RNF19B: variants seen among roughly 807,000 people sequenced by gnomAD.
RNF19B encodes E3 ubiquitin-protein ligase RNF19B.
Under a neutral mutation model 65.5 loss-of-function variants are expected in RNF19B, and 23 were observed. The observed-to-expected ratio is 0.35, with a 90% confidence interval of 0.25 to 0.50. The LOEUF (loss-of-function observed/expected upper bound fraction) is 0.50. Among genes scored for constraint, RNF19B ranks in the 20% least tolerant of loss-of-function variants. RNF19B has a pLI of 0.98. For synonymous variants in RNF19B, 372 were observed against 379.6 expected (o/e 0.98, Z 0.23); for missense variants, 794 against 980.0 (o/e 0.81, Z 2.53).
chr1:32,962,129 CG>C (rs1381999443), intron 1 of RNF19B, among the ~76,000 whole-genome samples: 1 of 152,002 alleles, frequency 6.6e-6, no homozygotes, highest in African/African-American at 2.4e-5. Context: ...CCACCATGCC[CG>C]GCTAATTTTT....
At chr1:32,953,479 T>C (rs1316749252) in intron 1 of RNF19B, among the ~76,000 whole-genome samples, 6 of 152,132 alleles carry the variant, frequency 3.9e-5, no homozygotes, top group African/African-American at 1.4e-4. Flanking sequence ...ACTCAAGTTC[T>C]CAGGTTTATC....
intron 1 of RNF19B, among the ~76,000 whole-genome samples, chr1:32,955,049 G>A (rs1043458164): frequency 6.6e-6 from 1 of 151,960 alleles, no homozygotes; most frequent in African/African-American, 2.4e-5. Context: ...TGCCTACTTC[G>A]TGGGTGTGCA....
intron 1 of RNF19B, among the ~76,000 whole-genome samples, chr1:32,958,009 G>A (rs1419238435): frequency 6.6e-6 from 1 of 152,172 alleles, no homozygotes; most frequent in Non-Finnish European, 1.5e-5. Context: ...TGTACACAGA[G>A]TTGTAGAAAT....
At position 32,964,762 on chromosome 1, in the gene RNF19B, G is replaced by C. The variant is rs1217087920; in HGVS notation, c.-77C>G. On this transcript the variant is annotated 5_prime_UTR_variant, in exon 1 of 9. Transcript: ENST00000235150. This position sits in a 1 kb window ranked among gnomAD's most constrained non-coding sequence, Gnocchi z 6.5. ...CCTCAGCGCCCCTCAGCCAGCGCCC[G>C]GCCGCCGCCGACGCCGCCACCACCG... 13 of 1,259,188 alleles carry C rather than the reference G, an allele frequency of 1.0e-5. No homozygotes were observed. Among genetic ancestry groups the C allele is most frequent in the African/African-American group, 3.2e-5 (2 of 62,276 alleles). The allele number at this position is 1,259,188 out of a possible 1,614,324, so 78.0% of individuals were successfully genotyped here. A position where few individuals can be genotyped will look rare whatever the true frequency, so the allele number is the denominator to read the frequency against.
rs375150376 is a variant in RNF19B, at chr1:32,952,429, TAAAAAA to T, written c.636-2661_636-2656del. On this transcript the variant is annotated intron_variant, in intron 1 of 8. Transcript: ENST00000235150. Reference sequence around the variant, plus strand: ...GGCAACACAGCAAGACCTTTTCTCTTAAAAAAAAAAAAAAAAAAAAAAAAAAAAAAC... The same window carrying T: ...GGCAACACAGCAAGACCTTTTCTCTTAAAAAAAAAAAAAAAAAAAAAAAAC... Among the ~76,000 whole-genome samples the T allele has an allele frequency of 8.0e-3, 590 of 74,000 alleles. 13 individuals are homozygous for T. The East Asian group carries it at 0.11, about 14-fold the overall frequency. The allele number at this position is 74,000 out of a possible 152,430, so 48.5% of individuals were successfully genotyped here. A position where few individuals can be genotyped will look rare whatever the true frequency, so the allele number is the denominator to read the frequency against.
chr1:32,933,090 T>C (rs1642046311), downstream of RNF19B, among the ~76,000 whole-genome samples: 1 of 152,224 alleles, frequency 6.6e-6, no homozygotes, highest in Non-Finnish European at 1.5e-5. Context: ...CCAGGTTATA[T>C]ATCTGATTGC....
Position 32,942,334 on chromosome 1 carries a change from T to C in RNF19B, c.1528A>G (p.Ser510Gly), listed in dbSNP as rs1642255710. 5 of 1,614,216 alleles carry C rather than the reference T, an allele frequency of 3.1e-6. No homozygotes were observed. The highest frequency in any genetic ancestry group is 4.2e-6 in the Non-Finnish European group (5 of 1,180,026). The stretch of plus-strand genomic sequence containing the variant: ...AGGGCTGCAAAGCTGGCCGTTTCGC[T>C]GTAAGGACCTTGCATAACACTAAGT... ...DGLSVMQGPYSETASFAALSG... is the reference protein window; with the variant it reads ...DGLSVMQGPYGETASFAALSG... Residue 510 changes from serine to glycine, a missense_variant, in exon 7 of 9, where the codon AGC (serine) becomes GGC (glycine). This residue lies in a region of RNF19B where 368 missense variants were observed against 447.3 expected (regional missense o/e 0.82). Transcript: ENST00000235150.
At chr1:32,963,503 G>A (rs888164403) in intron 1 of RNF19B, among the ~76,000 whole-genome samples, 2 of 151,998 alleles carry the variant, frequency 1.3e-5, no homozygotes, top group East Asian at 3.9e-4. Context: ...ATCACCTGAG[G>A]TCAGGAGTTC....
Position 32,938,487 on chromosome 1 carries a change from T to C in RNF19B, c.1652A>G (p.Lys551Arg). Reference protein sequence around the residue: ...QADVQKEIFPKDTASLGAISD... With the variant: ...QADVQKEIFPRDTASLGAISD... Reference sequence around the variant, plus strand: ...AATTGCACCAAGACTGGCTGTGTCTTTGGGGAAAATTTCCTTTTGGACATC... The same window carrying C: ...AATTGCACCAAGACTGGCTGTGTCTCTGGGGAAAATTTCCTTTTGGACATC... The change falls in exon 8 of 9, where the codon AAA becomes AGA. Residue 551 changes from lysine (K) to arginine (R), a missense_variant. By Grantham distance (26) the Lys-to-Arg change is conservative (BLOSUM62 2). Transcript: ENST00000235150. The C allele has an allele frequency of 6.2e-7, 1 of 1,614,188 alleles. No homozygotes were observed. The highest frequency in any genetic ancestry group is 8.5e-7 in the Non-Finnish European group (1 of 1,180,024).
chr1:32,930,733 G>A, the RNF19B span, among the ~76,000 whole-genome samples: 1 of 152,092 alleles, frequency 6.6e-6, no homozygotes, highest in African/African-American at 2.4e-5. Context: ...CTACACTAAG[G>A]AATTTTTGCC....
At chr1:32,963,886 G>C (rs1642833238) in intron 1 of RNF19B, among the ~76,000 whole-genome samples, 165 bp downstream of exon 1, 1 of 152,240 alleles carries the variant, frequency 6.6e-6, no homozygotes, top group Non-Finnish European at 1.5e-5. Context: ...GGGGTGTCGG[G>C]TGCGTTCACA....
chr1:32,952,413 G>C (rs1435438872), intron 1 of RNF19B, among the ~76,000 whole-genome samples: 2 of 112,684 alleles, frequency 1.8e-5, no homozygotes, highest in South Asian at 6.3e-4. Flanking sequence ...GGGCAACACA[G>C]CAAGACCTTT....
At chr1:32,951,491 G>A (rs1642498242) in intron 1 of RNF19B, among the ~76,000 whole-genome samples, 1 of 152,094 alleles carries the variant, frequency 6.6e-6, no homozygotes, top group African/African-American at 2.4e-5. Context: ...TCGAGCAAAG[G>A]AGATGCTGGA....
rs1169557141 is a variant in RNF19B, at chr1:32,940,712, C to T, written c.1610+1540G>A. On this transcript the variant is annotated intron_variant, in intron 7 of 8. Coordinates refer to ENST00000235150, the MANE Select transcript of RNF19B (RefSeq NM_001300826.2). ...CCTATCCTGCTTTGTTCTACCTTTA[C>T]CCCTCCCTAGGCCTTTCTTCTCCGT... is the stretch of plus-strand genomic sequence containing the variant. Among the ~76,000 whole-genome samples, 3 of 152,160 alleles carry T rather than the reference C, an allele frequency of 2.0e-5. No homozygotes were observed. In the South Asian group the frequency reaches 6.2e-4, roughly 32 times the overall value.
rs1221030850 is a variant in RNF19B at position 32,964,623 on chromosome 1, G to T, written c.63C>A (p.Asp21Glu). The T allele has an allele frequency of 6.8e-7, 1 of 1,471,412 alleles. No homozygotes were observed. Among genetic ancestry groups the T allele is most frequent in the Non-Finnish European group, 9.0e-7 (1 of 1,115,246 alleles). 91.1% of individuals were successfully genotyped at this position (1,471,412 alleles called of 1,614,324 possible). ...RSTSLHAAAPDPKCRSGGRRR... is the reference protein window; with the variant it reads ...RSTSLHAAAPEPKCRSGGRRR... ...GCCGGCCGCCGCTGCGGCACTTAGG[G>T]TCGGGTGCGGCCGCATGTAGCGATG... Residue 21 changes from aspartate (D) to glutamate (E), a missense_variant, in exon 1 of 9, where the codon GAC (aspartate) becomes GAA (glutamate). Transcript: ENST00000235150. The surrounding 1 kb of genome is among the most constrained non-coding windows in gnomAD (Gnocchi z 6.5).
In RNF19B at chr1:32,952,429, T is replaced by TAAAA. The variant is rs375150376; in HGVS notation, c.636-2659_636-2656dup. ...GGCAACACAGCAAGACCTTTTCTCTTAAAAAAAAAAAAAAAAAAAAAAAAA... is the reference window on the plus strand; with the variant it reads ...GGCAACACAGCAAGACCTTTTCTCTTAAAAAAAAAAAAAAAAAAAAAAAAAAAAA... On this transcript the variant is annotated intron_variant, in intron 1 of 8. Coordinates refer to ENST00000235150, the MANE Select transcript of RNF19B (RefSeq NM_001300826.2). 4.3e-4 allele frequency among the ~76,000 whole-genome samples: 32 copies of TAAAA among 74,004 alleles called. 1 individual carries two copies. Among genetic ancestry groups the TAAAA allele is most frequent in the African/African-American group, 2.1e-3 (29 of 14,090 alleles). The allele number at this position is 74,004 out of a possible 152,430, so 48.5% of individuals were successfully genotyped here.
chr1:32,935,030 C>T (rs1171515192), downstream of RNF19B, among the ~76,000 whole-genome samples: 1 of 151,882 alleles, frequency 6.6e-6, no homozygotes, highest in Non-Finnish European at 1.5e-5. Flanking sequence ...CGGGGTTTCA[C>T]CATGTTGGCC....
intron 1 of RNF19B, among the ~76,000 whole-genome samples, chr1:32,953,367 A>G (rs1344343745): frequency 6.6e-6 from 1 of 152,118 alleles, no homozygotes; most frequent in Admixed American, 6.6e-5. Context: ...CGCAATATTC[A>G]AAGACCTCAA....
In RNF19B at chr1:32,954,655, T is replaced by C. The variant is rs555056521; in HGVS notation, c.636-4881A>G. On this transcript the variant is annotated intron_variant, in intron 1 of 8. Coordinates refer to ENST00000235150, the MANE Select transcript of RNF19B (RefSeq NM_001300826.2). ...CGGGAGGCTGAGGCAGGAGAATTGC[T>C]TGAAACTGGGAGGCGGAGGTTGCAG... 3.3e-5 allele frequency among the ~76,000 whole-genome samples: 5 copies of C among 151,534 alleles called. No individual in the cohort carries two copies. In the South Asian group the frequency reaches 1.0e-3, roughly 32 times the overall value.
Sources: gnomAD v4.1 joint callset for allele counts (sites outside exome capture counted in the v4.1 genomes callset) on GRCh38, gnomAD v4.1.1 for gene constraint, gnomAD v4.1.1 regional missense constraint, Gnocchi (gnomAD v3.1) non-coding constraint, MANE v1.5 for transcripts, NCBI Gene and HGNC (gene_info 2026-07-23, HGNC 2026-07-21) for gene names.